KLF8: variants seen among roughly 807,000 people sequenced by gnomAD.
The protein encoded by KLF8 is Krueppel-like factor 8.
In KLF8, 10 loss-of-function variants were observed where a neutral mutation model predicts 18.2. That is an observed-to-expected ratio of 0.55 (90% CI 0.34 to 0.93). The LOEUF is 0.93. Among genes scored for constraint, KLF8 ranks in the 40% least tolerant of loss-of-function variants. The pLI is 0.02. For synonymous variants in KLF8, 109 were observed against 97.3 expected (o/e 1.12, Z -0.71); for missense variants, 264 against 277.9 (o/e 0.95, Z 0.36).
the KLF8 span, among the ~76,000 whole-genome samples, chrX:56,084,891 C>G: frequency 8.9e-6 from 1 of 111,997 alleles, no homozygotes; most frequent in African/African-American, 3.2e-5. Context: ...AGGATGCTGC[C>G]TGTGTAACTT....
At chrX:56,237,643 TTTAAG>T (rs1189285567) in intron 1 of KLF8, among the ~76,000 whole-genome samples, 4 of 112,459 alleles carry the variant, frequency 3.6e-5, no homozygotes, top group Non-Finnish European at 7.5e-5. Context: ...TTGATTGATC[TTTAAG>T]TTATTTCCAA....
intron 5 of KLF8, among the ~76,000 whole-genome samples, chrX:56,277,356 G>T (rs1210669209): frequency 8.9e-6 from 1 of 112,157 alleles, no homozygotes; most frequent in Non-Finnish European, 1.9e-5. Flanking sequence ...AGCCATCTCT[G>T]CATTAGGGGA....
At chrX:56,104,845 G>A in the KLF8 span, among the ~76,000 whole-genome samples, 19 of 111,206 alleles carry the variant, frequency 1.7e-4, no homozygotes, top group Non-Finnish European at 3.4e-4. Flanking sequence ...TTCCCTTGTG[G>A]GCATTTAGTG....
chrX:56,157,523 C>G, the KLF8 span, among the ~76,000 whole-genome samples: 1 of 110,557 alleles, frequency 9.0e-6, no homozygotes, highest in African/African-American at 3.3e-5. Flanking sequence ...AAAAGTGTTC[C>G]TATTTTTCCA....
chrX:55,938,298 A>G, the KLF8 span, among the ~76,000 whole-genome samples: 1 of 111,389 alleles, frequency 9.0e-6, no homozygotes, highest in Non-Finnish European at 1.9e-5. Context: ...AAGGAGAAAT[A>G]AAATACTTTA....
At chrX:56,213,759 G>A in the KLF8 span, among the ~76,000 whole-genome samples, 1 of 111,569 alleles carries the variant, frequency 9.0e-6, no homozygotes, top group Non-Finnish European at 1.9e-5. Flanking sequence ...GTTACAGTCA[G>A]CACTCTTTTA....
At chrX:56,071,290 A>AT in the KLF8 span, among the ~76,000 whole-genome samples, 2 of 112,018 alleles carry the variant, frequency 1.8e-5, no homozygotes, top group Non-Finnish European at 3.8e-5. Flanking sequence ...TATCAGCGTA[A>AT]TGAGGTAGAA....
chrX:56,022,886 G>A, the KLF8 span, among the ~76,000 whole-genome samples: 1 of 111,219 alleles, frequency 9.0e-6, no homozygotes, highest in African/African-American at 3.3e-5. Context: ...ATTCCATGGA[G>A]CCATTTGTCA....
the KLF8 span, among the ~76,000 whole-genome samples, chrX:56,141,211 C>T: frequency 3.6e-5 from 4 of 112,130 alleles, no homozygotes; most frequent in South Asian, 1.5e-3. Flanking sequence ...AAGTGATCCG[C>T]TTTCCTTGGC....
chrX:56,101,027 T>G, the KLF8 span, among the ~76,000 whole-genome samples: 1 of 111,469 alleles, frequency 9.0e-6, no homozygotes, highest in Non-Finnish European at 1.9e-5. Flanking sequence ...ATGGGTATAT[T>G]GCATGATGCT....
rs1242822007 is a variant in KLF8 at position 56,236,921 on chromosome X, T to C, written c.7+3580T>C. ...TTGGGCTCATTTGTTTACTCAAAGA[T>C]AATGTGAAATCATGTTTGGTTTTCT... On this transcript the variant is annotated intron_variant, in intron 1 of 5. Transcript: ENST00000468660. 2.9e-5 allele frequency among the ~76,000 whole-genome samples: 3 copies of C among 103,463 alleles called. No individual in the cohort carries two copies. The East Asian group carries it at 8.9e-4, about 31-fold the overall frequency. The allele number at this position is 103,463 out of a possible 115,157, so 89.8% of individuals were successfully genotyped here. A position where few individuals can be genotyped will look rare whatever the true frequency, so the allele number is the denominator to read the frequency against.
At chrX:56,139,883 C>G in the KLF8 span, among the ~76,000 whole-genome samples, 2 of 111,665 alleles carry the variant, frequency 1.8e-5, no homozygotes, top group African/African-American at 6.5e-5. Flanking sequence ...ATGCATCTGA[C>G]AAAGGCCTAA....
the KLF8 span, among the ~76,000 whole-genome samples, chrX:56,062,260 A>G: frequency 1.9e-4 from 21 of 110,803 alleles, no homozygotes; most frequent in African/African-American, 4.3e-4. Context: ...CATAGTGTCA[A>G]TGGTCTTTAC....
At chrX:56,173,762 T>A in the KLF8 span, among the ~76,000 whole-genome samples, 1 of 111,919 alleles carries the variant, frequency 8.9e-6, no homozygotes, top group African/African-American at 3.2e-5. Context: ...GTTTGTATCC[T>A]CTTTTATTTC....
At position 56,289,678 on chromosome X, in the gene KLF8, C is replaced by T. The variant is rs2067303573; in HGVS notation, c.*5184C>T. 8.9e-6 allele frequency among the ~76,000 whole-genome samples: 1 copy of T among 111,751 alleles called. No individual in the cohort carries two copies. Among genetic ancestry groups the T allele is most frequent in the African/African-American group, 3.3e-5 (1 of 30,742 alleles). On this transcript the variant is annotated 3_prime_UTR_variant, in exon 6 of 6. Transcript: ENST00000468660. ...TACTGAGAAACCTGGCTCTCAACCT[C>T]TGTCATCTATTTACTTAATTTTTCA...
chrX:56,167,993 C>T, the KLF8 span, among the ~76,000 whole-genome samples: 1 of 111,900 alleles, frequency 8.9e-6, no homozygotes, highest in Non-Finnish European at 1.9e-5. Flanking sequence ...GGAGCTATAT[C>T]TCCACATATT....
chrX:55,930,127 T>G, the KLF8 span, among the ~76,000 whole-genome samples: 1 of 111,673 alleles, frequency 9.0e-6, no homozygotes, highest in Admixed American at 9.5e-5. Flanking sequence ...CCTACGTTTT[T>G]TATTATCTTT....
At chrX:56,181,559 C>T in the KLF8 span, among the ~76,000 whole-genome samples, 3 of 111,801 alleles carry the variant, frequency 2.7e-5, no homozygotes, top group Non-Finnish European at 5.6e-5. Flanking sequence ...TTCCTAGCAT[C>T]AGTGGTCTTT....
chrX:55,973,415 T>C, the KLF8 span, among the ~76,000 whole-genome samples: 1 of 111,664 alleles, frequency 9.0e-6, no homozygotes, highest in East Asian at 2.8e-4. Context: ...GAGTAAACAG[T>C]CAACCTACAA....
Sources: gnomAD v4.1 joint callset for allele counts (sites outside exome capture counted in the v4.1 genomes callset) on GRCh38, gnomAD v4.1.1 for gene constraint, MANE v1.5 for transcripts, NCBI Gene and HGNC (gene_info 2026-07-23, HGNC 2026-07-21) for gene names.